TENT4A: variants seen among roughly 807,000 people sequenced by gnomAD.
The protein encoded by TENT4A is terminal nucleotidyltransferase 4A.
Under a neutral mutation model 72.8 loss-of-function variants are expected in TENT4A, and 7 were observed. The ratio of observed to expected loss-of-function variants is 0.10; its 90% CI spans 0.05 to 0.18. The LOEUF (loss-of-function observed/expected upper bound fraction) is 0.18. Ranked by LOEUF, TENT4A falls within the 10% of genes least tolerant of loss-of-function variation. The pLI is 1.00. For synonymous variants in TENT4A, 456 were observed against 434.3 expected, an observed-to-expected ratio of 1.05 and a Z score of -0.62; for missense variants, 831 against 1,017.7, an observed-to-expected ratio of 0.82 and a Z score of 2.50.
intron 6 of TENT4A, 59 bp from the exon 7 acceptor site, chr5:6,746,155 C>G: frequency 6.2e-7 from 1 of 1,612,650 alleles, no homozygotes; most frequent in Non-Finnish European, 8.5e-7. Flanking sequence ...TCGTCGCGTG[C>G]TATTTTCTTT....
intron 1 of TENT4A, among the ~76,000 whole-genome samples, chr5:6,730,417 T>G (rs1741151478): frequency 6.6e-6 from 1 of 152,236 alleles, no homozygotes; most frequent in Non-Finnish European, 1.5e-5. Flanking sequence ...TTAGTCGGTC[T>G]TAACCTTTTT....
In TENT4A at chr5:6,754,763, A is replaced by G. The variant is rs756780526; in HGVS notation, c.2197A>G (p.Met733Val). ...TCTCTTTCTCCAGCAGCACAACGGC[A>G]TGAAACTGTCCATGAAGGGCTCTCA... ...PHLYHKQHNG[M>V]KLSMKGSHGH... Residue 733 changes from methionine to valine, a missense_variant, in exon 13 of 13, where the codon ATG (methionine) becomes GTG (valine). Physicochemically the swap from Met to Val is conservative, Grantham distance 21. Transcript: ENST00000230859. The G allele has an allele frequency of 1.3e-6, 2 of 1,581,670 alleles. No individual in the cohort carries two copies. The highest frequency in any genetic ancestry group is 1.7e-6 in the Non-Finnish European group (2 of 1,155,558).
chr5:6,718,921 C>T (rs1247372926), intron 1 of TENT4A, among the ~76,000 whole-genome samples: 1 of 150,624 alleles, frequency 6.6e-6, no homozygotes, highest in East Asian at 1.9e-4. Flanking sequence ...AAAGGAGGGT[C>T]GGAGTATTAA....
intron 6 of TENT4A, among the ~76,000 whole-genome samples, chr5:6,744,407 T>A (rs894181106): frequency 6.6e-6 from 1 of 152,266 alleles, no homozygotes; most frequent in Non-Finnish European, 1.5e-5. Flanking sequence ...TTTAAACATA[T>A]AAAATCATCT....
rs563260145 is a variant in TENT4A, at chr5:6,752,357, G to A, written c.2020-516G>A. Among the ~76,000 whole-genome samples the A allele has an allele frequency of 2.8e-4, 42 of 152,378 alleles. No homozygotes were observed. In the South Asian group the frequency reaches 8.1e-3, roughly 29 times the overall value. ...GGGTAAATGCACGGGATGCCAAGATGCAACCAGGTCAGTATTGCAAGTCTG... is the reference window on the plus strand; with the variant it reads ...GGGTAAATGCACGGGATGCCAAGATACAACCAGGTCAGTATTGCAAGTCTG... On this transcript the variant is annotated intron_variant, in intron 11 of 12. Coordinates refer to ENST00000230859, the MANE Select transcript of TENT4A (RefSeq NM_006999.6).
intron 7 of TENT4A, among the ~76,000 whole-genome samples, chr5:6,747,248 T>C (rs1343180838): frequency 6.6e-6 from 1 of 152,180 alleles, no homozygotes; most frequent in Non-Finnish European, 1.5e-5. Flanking sequence ...TCCAGGCGCG[T>C]GTCCCTGGGC....
chr5:6,722,635 A>G (rs566202643), intron 1 of TENT4A, among the ~76,000 whole-genome samples: 1 of 150,112 alleles, frequency 6.7e-6, no homozygotes, highest in South Asian at 2.1e-4. Context: ...CCCCAGAGGC[A>G]AGGGTACTCT....
At chr5:6,746,109 T>C (rs1742081519) in intron 6 of TENT4A, 105 bp from the exon 7 acceptor site, 1 of 1,575,196 alleles carries the variant, frequency 6.3e-7, no homozygotes, top group Non-Finnish European at 8.6e-7. Context: ...TGCCACTCAC[T>C]GGTATTGCCT....
intron 10 of TENT4A, 29 bp downstream of exon 10, chr5:6,750,532 T>C: frequency 3.3e-6 from 5 of 1,534,838 alleles, no homozygotes; most frequent in South Asian, 1.2e-5. Context: ...TCCGTGTGTC[T>C]GTTGGACAGT....
rs1188044808 is a variant in TENT4A at position 6,714,300 on chromosome 5, CGTCGCT to C, written c.322_327del (p.Leu108_Ser109del). 6 of 1,098,502 alleles carry C rather than the reference CGTCGCT, an allele frequency of 5.5e-6. No homozygotes were observed. The highest frequency in any genetic ancestry group is 6.6e-6 in the Non-Finnish European group (6 of 904,026). 68.0% of individuals were successfully genotyped at this position (1,098,502 alleles called of 1,614,324 possible). ...GGCGCGCGGCGCTTGCACAAGTCGCCGTCGCTGTCGTCCTCGTCGTCGTCCTCCTCG... is the reference window on the plus strand; with the variant it reads ...GGCGCGCGGCGCTTGCACAAGTCGCCGTCGTCCTCGTCGTCGTCCTCCTCG... On this transcript the variant is annotated inframe_deletion, in exon 1 of 13. Coordinates refer to ENST00000230859, the MANE Select transcript of TENT4A (RefSeq NM_006999.6).
chr5:6,739,341 G>A (rs1561037700), intron 3 of TENT4A, among the ~76,000 whole-genome samples: 2 of 152,198 alleles, frequency 1.3e-5, no homozygotes, highest in South Asian at 2.1e-4. Flanking sequence ...TAATTGAACA[G>A]GTTTGGGTAT....
intron 10 of TENT4A, 78 bp downstream of exon 10, chr5:6,750,581 A>C: frequency 7.5e-7 from 1 of 1,333,906 alleles, no homozygotes; most frequent in Non-Finnish European, 1.0e-6. Flanking sequence ...CGAGCTTAAA[A>C]TCTCCCCCTT....
chr5:6,743,448 G>T (rs1741928843), intron 5 of TENT4A, among the ~76,000 whole-genome samples: 1 of 152,074 alleles, frequency 6.6e-6, no homozygotes, highest in South Asian at 2.1e-4. Flanking sequence ...GAGTTCCTTT[G>T]TGCCTGTGGA....
chr5:6,748,825 T>C (rs1035262669), intron 8 of TENT4A, among the ~76,000 whole-genome samples: 1 of 152,078 alleles, frequency 6.6e-6, no homozygotes, highest in Non-Finnish European at 1.5e-5. Flanking sequence ...TTCTTCAGGG[T>C]CTTTTGTTTT....
chr5:6,738,607 C>T lies in TENT4A; in HGVS notation c.841-76C>T. 3 of 1,109,606 alleles carry T rather than the reference C, an allele frequency of 2.7e-6. No homozygotes were observed. The South Asian group carries it at 3.7e-5, about 14-fold the overall frequency. The allele number at this position is 1,109,606 out of a possible 1,614,324, so 68.7% of individuals were successfully genotyped here. ...TACCCAAGGGTATAGTGAGGGCTTT[C>T]TTTTAGTAAGAAATAATGGTAGTGT... On this transcript the variant is annotated intron_variant, in intron 2 of 12. Transcript: ENST00000230859.
At chr5:6,747,891 C>T (rs1408803093) in intron 7 of TENT4A, among the ~76,000 whole-genome samples, 1 of 152,220 alleles carries the variant, frequency 6.6e-6, no homozygotes, top group South Asian at 2.1e-4. Context: ...ACTGCTGTGA[C>T]AGATTCCTTT....
chr5:6,727,147 T>G (rs1561029695), intron 1 of TENT4A, among the ~76,000 whole-genome samples: 1 of 152,220 alleles, frequency 6.6e-6, no homozygotes, highest in Non-Finnish European at 1.5e-5. Context: ...GCTTCCTTTC[T>G]GATCCCTGGC....
Position 6,742,479 on chromosome 5 carries a change from A to C in TENT4A, c.1009-11A>C. On this transcript the variant is annotated splice_polypyrimidine_tract_variant and intron_variant, in intron 4 of 12. Coordinates refer to ENST00000230859, the MANE Select transcript of TENT4A (RefSeq NM_006999.6). ...CATGTTAAAGCAGTTTTTAAAATGAAATCTTTACAGGTACCAATAATAAAG... is the reference window on the plus strand; with the variant it reads ...CATGTTAAAGCAGTTTTTAAAATGACATCTTTACAGGTACCAATAATAAAG... 1 of 1,568,146 alleles carries C rather than the reference A, an allele frequency of 6.4e-7. No individual in the cohort carries two copies. The highest frequency in any genetic ancestry group is 1.3e-5 in the African/African-American group (1 of 74,164).
chr5:6,751,709 A>G (rs1742416891), intron 11 of TENT4A, among the ~76,000 whole-genome samples: 1 of 152,390 alleles, frequency 6.6e-6, no homozygotes. Context: ...AATCTAAAGG[A>G]TAATTTTATA....
Sources: allele counts gnomAD v4.1 joint callset (sites outside exome capture counted in the v4.1 genomes callset), GRCh38; gene constraint gnomAD v4.1.1; transcripts MANE v1.5; gene names NCBI Gene and HGNC (gene_info 2026-07-23, HGNC 2026-07-21).